KCNQ5: variants seen among roughly 807,000 people sequenced by gnomAD.
KCNQ5 encodes potassium voltage-gated channel subfamily Q member 5, also known as potassium voltage-gated channel subfamily KQT member 5.
Under a neutral mutation model 98.2 loss-of-function variants are expected in KCNQ5, and 30 were observed. The ratio of observed to expected loss-of-function variants is 0.31; its 90% CI spans 0.23 to 0.41. The LOEUF (loss-of-function observed/expected upper bound fraction) is 0.41. Among genes scored for constraint, KCNQ5 ranks in the 10% least tolerant of loss-of-function variants. The pLI is 1.00. For missense variants in KCNQ5, 835 were observed against 1,182.5 expected, an observed-to-expected ratio of 0.71 and a Z score of 4.31; for synonymous variants, 458 against 449.4, an observed-to-expected ratio of 1.02 and a Z score of -0.24.
intron 1 of KCNQ5, among the ~76,000 whole-genome samples, chr6:72,728,153 G>A (rs1180205548): frequency 6.6e-6 from 1 of 152,138 alleles, no homozygotes; most frequent in African/African-American, 2.4e-5. Context: ...ATATGGTATA[G>A]CTATGGGAAA....
intron 1 of KCNQ5, among the ~76,000 whole-genome samples, chr6:72,655,224 A>G (rs1254551680): frequency 6.6e-6 from 1 of 151,890 alleles, no homozygotes; most frequent in Non-Finnish European, 1.5e-5. Flanking sequence ...TAATGGACAT[A>G]TAATCTGTAT....
At chr6:72,873,454 G>T (rs1778292955) in intron 1 of KCNQ5, among the ~76,000 whole-genome samples, 1 of 151,878 alleles carries the variant, frequency 6.6e-6, no homozygotes, top group African/African-American at 2.4e-5. Flanking sequence ...TGTACAATCT[G>T]GGTGAGATTT....
In KCNQ5 at chr6:73,133,405, C is replaced by T. The variant is rs1354056518; in HGVS notation, c.1248-16C>T. ...AATTGCTTGAAATGGAATAATCATG[C>T]CTCTGTTCTCCACAGTCAGAAGCTA... On this transcript the variant is annotated splice_polypyrimidine_tract_variant and intron_variant, in intron 9 of 13. Coordinates refer to ENST00000370398, the MANE Select transcript of KCNQ5 (RefSeq NM_019842.4). 1 of 1,609,194 alleles carries T rather than the reference C, an allele frequency of 6.2e-7. No individual in the cohort carries two copies. Among genetic ancestry groups the T allele is most frequent in the South Asian group, 1.1e-5 (1 of 90,920 alleles).
intron 1 of KCNQ5, among the ~76,000 whole-genome samples, chr6:72,905,399 G>A (rs7755733): frequency 2.1e-4 from 32 of 152,146 alleles, no homozygotes; most frequent in African/African-American, 6.0e-4. Flanking sequence ...TTCTTGGTTC[G>A]GGTCCGTTGC....
At chr6:72,842,217 A>G (rs1776826418) in intron 1 of KCNQ5, among the ~76,000 whole-genome samples, 1 of 152,320 alleles carries the variant, frequency 6.6e-6, no homozygotes, top group African/African-American at 2.4e-5. Flanking sequence ...GACTTCCACA[A>G]TGAGAGAGAA....
chr6:72,789,418 G>A (rs542002238), intron 1 of KCNQ5, among the ~76,000 whole-genome samples: 4 of 152,310 alleles, frequency 2.6e-5, no homozygotes, highest in Admixed American at 6.5e-5. Flanking sequence ...TGAAACTCAG[G>A]TGTTTTACCT....
At chr6:72,871,272 T>G (rs1778194929) in intron 1 of KCNQ5, among the ~76,000 whole-genome samples, 1 of 152,226 alleles carries the variant, frequency 6.6e-6, no homozygotes, top group Non-Finnish European at 1.5e-5. Flanking sequence ...CTGTTATGGT[T>G]TGACTTTTAA....
At chr6:72,923,860 T>G (rs1780511815) in intron 1 of KCNQ5, among the ~76,000 whole-genome samples, 1 of 152,210 alleles carries the variant, frequency 6.6e-6, no homozygotes, top group Non-Finnish European at 1.5e-5. Context: ...TTATTTGTTT[T>G]ATTGCTAGTG....
At chr6:72,731,807 A>T (rs1178344819) in intron 1 of KCNQ5, among the ~76,000 whole-genome samples, 1 of 152,228 alleles carries the variant, frequency 6.6e-6, no homozygotes, top group African/African-American at 2.4e-5. Context: ...TTGGGGAGAC[A>T]ACTTCCAGTC....
chr6:72,818,609 A>G (rs1375033799), intron 1 of KCNQ5, among the ~76,000 whole-genome samples: 1 of 151,648 alleles, frequency 6.6e-6, no homozygotes, highest in Non-Finnish European at 1.5e-5. Context: ...TATTTGATTT[A>G]TCTTTTACAG....
At chr6:73,136,400 A>T (rs1033099990) in intron 10 of KCNQ5, among the ~76,000 whole-genome samples, 2 of 152,228 alleles carry the variant, frequency 1.3e-5, no homozygotes, top group Non-Finnish European at 2.9e-5. Flanking sequence ...TATTTTCAGT[A>T]TCTGCAAAGA....
chr6:73,140,182 C>G (rs550788550), intron 10 of KCNQ5, among the ~76,000 whole-genome samples: 11 of 152,140 alleles, frequency 7.2e-5, no homozygotes, highest in Non-Finnish European at 1.3e-4. Flanking sequence ...GTATAAATCA[C>G]AGACTATCAG....
At chr6:72,664,071 A>T (rs1766664161) in intron 1 of KCNQ5, among the ~76,000 whole-genome samples, 1 of 152,198 alleles carries the variant, frequency 6.6e-6, no homozygotes, top group African/African-American at 2.4e-5. Context: ...TTACCTGTAA[A>T]AGCTACTGAC....
chr6:72,914,568 C>T (rs772987553), intron 1 of KCNQ5, among the ~76,000 whole-genome samples: 1 of 143,008 alleles, frequency 7.0e-6, no homozygotes, highest in Non-Finnish European at 1.5e-5. Flanking sequence ...TCTAGCATGC[C>T]GTAGAGTTCT....
At chr6:73,055,626 G>C in intron 3 of KCNQ5, 1 of 1,209,268 alleles carries the variant, frequency 8.3e-7, no homozygotes, top group Non-Finnish European at 1.2e-6. Context: ...GAGGGGAAAT[G>C]GGTACTGACT....
At chr6:72,637,039 G>A (rs1192423092) in intron 1 of KCNQ5, among the ~76,000 whole-genome samples, 4 of 152,130 alleles carry the variant, frequency 2.6e-5, no homozygotes, top group Non-Finnish European at 5.9e-5. Context: ...ACCAACACAG[G>A]AGTTCCCACT....
At chr6:72,868,402 A>G (rs1778077208) in intron 1 of KCNQ5, among the ~76,000 whole-genome samples, 1 of 152,170 alleles carries the variant, frequency 6.6e-6, no homozygotes, top group Non-Finnish European at 1.5e-5. Flanking sequence ...AGCCCCAAGA[A>G]ATTGGATGAC....
chr6:72,857,633 T>C (rs755657288), intron 1 of KCNQ5, among the ~76,000 whole-genome samples: 1 of 152,154 alleles, frequency 6.6e-6, no homozygotes, highest in Non-Finnish European at 1.5e-5. Context: ...ATAATTTGTG[T>C]TTTTTGCATA....
chr6:73,187,431 A>T (rs1171466307), intron 11 of KCNQ5, among the ~76,000 whole-genome samples: 1 of 136,726 alleles, frequency 7.3e-6, no homozygotes, highest in South Asian at 2.2e-4. Flanking sequence ...GCACCACTGC[A>T]CATACTCCTC....
Sources: allele counts gnomAD v4.1 joint callset (sites outside exome capture counted in the v4.1 genomes callset), GRCh38; gene constraint gnomAD v4.1.1; transcripts MANE v1.5; gene names NCBI Gene and HGNC (gene_info 2026-07-23, HGNC 2026-07-21).